SLC26A3: variants seen among roughly 807,000 people sequenced by gnomAD.
SLC26A3 encodes chloride anion exchanger.
A neutral mutation model predicts 85.6 loss-of-function variants in SLC26A3; 64 were observed. The ratio of observed to expected loss-of-function variants is 0.75; its 90% CI spans 0.61 to 0.92. The LOEUF (loss-of-function observed/expected upper bound fraction) is 0.92, where lower values mean the gene tolerates loss of function less well. SLC26A3 is among the 40% of genes least tolerant of loss of function. The pLI, the probability that SLC26A3 is intolerant of heterozygous loss-of-function variation, is 0.00. For synonymous variants in SLC26A3, 349 were observed against 336.0 expected (o/e 1.04, Z -0.42); for missense variants, 922 against 927.3 (o/e 0.99, Z 0.07).
At position 107,767,834 on chromosome 7, in the gene SLC26A3, T is replaced by C. The variant is rs771027374; in HGVS notation, c.2137A>G (p.Ile713Val). 1.2e-6 allele frequency: 2 copies of C among 1,613,556 alleles called. No individual in the cohort carries two copies. The highest frequency in any genetic ancestry group is 2.7e-5 in the African/African-American group (2 of 74,918). The change falls in exon 19 of 21, where the codon ATC becomes GTC. Residue 713 changes from isoleucine (I) to valine (V), a missense_variant. Coordinates refer to ENST00000340010, the MANE Select transcript of SLC26A3 (RefSeq NM_000111.3). ...AAAATATGCAAAACAGCATCATGGATTGTTAAGAAAAATATTGAGCTTTTC... is the reference window on the plus strand; with the variant it reads ...AAAATATGCAAAACAGCATCATGGACTGTTAAGAAAAATATTGAGCTTTTC... ...EVKSSIFFLT[I>V]HDAVLHILMK...
chr7:107,780,603 C>T (rs1794201160), intron 11 of SLC26A3, among the ~76,000 whole-genome samples: 1 of 152,124 alleles, frequency 6.6e-6, no homozygotes, highest in African/African-American at 2.4e-5. Context: ...ACCATGAAAA[C>T]ACAGTGTACA....
chr7:107,776,711 A>G lies in SLC26A3; in HGVS notation c.1515-5T>C. On this transcript the variant is annotated splice_region_variant and splice_polypyrimidine_tract_variant and intron_variant, in intron 13 of 20. Transcript: ENST00000340010. ...GCCAGCGTGCTGCATTTTGGACTGT[A>G]GGGAGAAAAACACCAAGTAAATCAT... 1.2e-6 allele frequency: 2 copies of G among 1,612,792 alleles called. No homozygotes were observed. Among genetic ancestry groups the G allele is most frequent in the Non-Finnish European group, 1.7e-6 (2 of 1,179,530 alleles).
intron 11 of SLC26A3, among the ~76,000 whole-genome samples, chr7:107,782,575 A>G (rs1480549077): frequency 6.6e-6 from 1 of 152,212 alleles, no homozygotes. Context: ...TGCAAAGTGT[A>G]GAGGAGATAA....
At chr7:107,785,258 G>T (rs1794274188) in intron 8 of SLC26A3, among the ~76,000 whole-genome samples, 1 of 152,104 alleles carries the variant, frequency 6.6e-6, no homozygotes, top group Non-Finnish European at 1.5e-5. Context: ...CAAGAACATT[G>T]AGGCACAGAG....
At position 107,794,375 on chromosome 7, in the gene SLC26A3, T is replaced by G; in HGVS notation, c.131+4A>C. ...TAATGCCAATACCTTAAAAAATATC[T>G]TACCTACAACACACTTTGAGATGAT... On this transcript the variant is annotated splice_donor_region_variant and intron_variant, in intron 2 of 20. Coordinates refer to ENST00000340010, the MANE Select transcript of SLC26A3 (RefSeq NM_000111.3). The G allele has an allele frequency of 6.2e-7, 1 of 1,613,914 alleles. No homozygotes were observed.
rs763721296 is a variant in SLC26A3, at chr7:107,791,163, C to A, written c.455G>T (p.Arg152Leu). ...SGAVSKAVPD[R>L]NATTLGLPNN... The stretch of plus-strand genomic sequence containing the variant: ...AGGCAATCCCAAAGTAGTTGCATTG[C>A]GATCTGGGACTGCTTTTGAAACTGC... The change falls in exon 5 of 21, where the codon CGC becomes CTC. Residue 152 changes from arginine (R) to leucine (L), a missense_variant. Arg to Leu is a moderately radical substitution (Grantham distance 102). Transcript: ENST00000340010. The A allele has an allele frequency of 1.2e-6, 2 of 1,614,164 alleles. No individual in the cohort carries two copies. Among genetic ancestry groups the A allele is most frequent in the East Asian group, 2.2e-5 (1 of 44,880 alleles).
chr7:107,771,042 C>T (rs972142298), intron 18 of SLC26A3, among the ~76,000 whole-genome samples: 1 of 151,958 alleles, frequency 6.6e-6, no homozygotes, highest in Non-Finnish European at 1.5e-5. Context: ...TTCTAGAAGG[C>T]CTAGTTGAGA....
chr7:107,776,595 A>C (rs1263440261), intron 14 of SLC26A3, 42 bp downstream of exon 14: 2 of 1,605,904 alleles, frequency 1.2e-6, no homozygotes, highest in Admixed American at 3.3e-5. Context: ...TCCATAGTTA[A>C]TATCATTTAG....
intron 4 of SLC26A3, among the ~76,000 whole-genome samples, chr7:107,791,556 G>A (rs1179026683): frequency 6.6e-6 from 1 of 152,002 alleles, no homozygotes; most frequent in Admixed American, 6.5e-5. Flanking sequence ...AGGTTGCAGT[G>A]AGCTGAGATC....
At position 107,779,745 on chromosome 7, in the gene SLC26A3, C is replaced by CT; in HGVS notation, c.1329dup (p.Ala444SerfsTer14). The CT allele has an allele frequency of 6.2e-7, 1 of 1,613,916 alleles. No homozygotes were observed. Among genetic ancestry groups the CT allele is most frequent in the Non-Finnish European group, 8.5e-7 (1 of 1,179,886 alleles). On this transcript the variant is annotated frameshift_variant, in exon 12 of 21. Coordinates refer to ENST00000340010, the MANE Select transcript of SLC26A3 (RefSeq NM_000111.3). LOFTEE classifies it high-confidence loss of function. ...AGCATTCCCTTTAAGTTTCCCAATGCTAAAGCTGCCAGGACGGACTGTGAA... is the reference window on the plus strand; with the variant it reads ...AGCATTCCCTTTAAGTTTCCCAATGCTTAAAGCTGCCAGGACGGACTGTGAA...
chr7:107,777,453 A>G (rs1483703313), intron 13 of SLC26A3, among the ~76,000 whole-genome samples: 1 of 152,026 alleles, frequency 6.6e-6, no homozygotes, highest in East Asian at 1.9e-4. Context: ...AAAATTAGCC[A>G]GTGGCAGGCA....
At chr7:107,799,421 T>C (rs142289370) in intron 1 of SLC26A3, among the ~76,000 whole-genome samples, 126 of 152,226 alleles carry the variant, frequency 8.3e-4, no homozygotes, top group African/African-American at 3.0e-3. Context: ...TCTTGCTCTG[T>C]CGCCCAGGGT....
intron 16 of SLC26A3, 51 bp from the exon 17 acceptor site, chr7:107,774,204 G>A (rs1794073554): frequency 7.3e-7 from 1 of 1,367,318 alleles, no homozygotes; most frequent in Non-Finnish European, 1.0e-6. Context: ...AAAACATTGT[G>A]TATGTCAGAG....
intron 1 of SLC26A3, among the ~76,000 whole-genome samples, chr7:107,797,488 C>T (rs1032317946): frequency 2.5e-5 from 3 of 117,698 alleles, no homozygotes; most frequent in African/African-American, 6.7e-5. Flanking sequence ...AGCGAGACTC[C>T]GTCTCAAAAA....
rs1584403653 is a variant in SLC26A3, at chr7:107,776,628, C to T, written c.1584+9G>A. On this transcript the variant is annotated intron_variant, in intron 14 of 20. Transcript: ENST00000340010. ...TAGCAAGTCAAAGAAAAACATGAAT[C>T]TCCCTTACATCATAATAATCTTTTT... The T allele has an allele frequency of 6.2e-7, 1 of 1,612,054 alleles. No individual in the cohort carries two copies. The highest frequency in any genetic ancestry group is 2.2e-5 in the East Asian group (1 of 44,860).
At position 107,783,245 on chromosome 7, in the gene SLC26A3, A is replaced by G; in HGVS notation, c.1079T>C (p.Val360Ala). Residue 360 changes from valine to alanine, a missense_variant, in exon 9 of 21, where the codon GTC becomes GCC. Coordinates refer to ENST00000340010, the MANE Select transcript of SLC26A3 (RefSeq NM_000111.3). ...TGGATAATCGTATTTGAGGGAATAG[A>G]CGCTGGCAACTGAAAAGGCCACTGC... ...AFAVAFSVAS[V>A]YSLKYDYPLD... 1.9e-6 allele frequency: 3 copies of G among 1,614,248 alleles called. No homozygotes were observed. The highest frequency in any genetic ancestry group is 2.7e-5 in the African/African-American group (2 of 75,076).
rs760033252 is a variant in SLC26A3, at chr7:107,787,380, G to T, written c.865C>A (p.Pro289Thr). Residue 289 changes from proline to threonine, a missense_variant, in exon 7 of 21, where the codon CCC becomes ACC. By Grantham distance (38) the Pro-to-Thr change is conservative. Transcript: ENST00000340010. ...ACCATAATGAATTCGATTGGAATGG[G>T]CACTGGAAGTTTGTCTTTGAAGCGC... is the stretch of plus-strand genomic sequence containing the variant. The part of the protein sequence containing the change: ...NQRFKDKLPV[P>T]IPIEFIMTVI... The T allele has an allele frequency of 9.9e-6, 16 of 1,614,054 alleles. No individual in the cohort carries two copies. In the East Asian group the frequency reaches 2.7e-4, roughly 27 times the overall value.
intron 8 of SLC26A3, among the ~76,000 whole-genome samples, chr7:107,784,331 T>C (rs1297771744): frequency 6.6e-6 from 1 of 152,242 alleles, no homozygotes; most frequent in African/African-American, 2.4e-5. Flanking sequence ...CTGAACACCA[T>C]AGACAGAATG....
chr7:107,793,874 G>C lies in SLC26A3; in HGVS notation c.139C>G (p.Pro47Ala). 1 of 1,614,010 alleles carries C rather than the reference G, an allele frequency of 6.2e-7. No individual in the cohort carries two copies. ...AGGACAATTCTCTTGGCCTTTTGTG[G>C]GGAACAGCTGAAAACATGGAAAGCC... ...DHLKVCCSCS[P>A]QKAKRIVLSL... The change falls in exon 3 of 21, where the codon CCA becomes GCA. Residue 47 changes from proline (P) to alanine (A), a missense_variant. Physicochemically the swap from Pro to Ala is conservative, Grantham distance 27. Transcript: ENST00000340010.
Sources: gnomAD v4.1 joint callset for allele counts (sites outside exome capture counted in the v4.1 genomes callset) on GRCh38, gnomAD v4.1.1 for gene constraint, MANE v1.5 for transcripts, NCBI Gene and HGNC (gene_info 2026-07-23, HGNC 2026-07-21) for gene names.